ZFHX3: variants seen among roughly 807,000 people sequenced by gnomAD.
ZFHX3 encodes zinc finger homeobox 3, also known as zinc finger homeobox protein 3.
In ZFHX3, 42 loss-of-function variants were observed where a neutral mutation model predicts 279.1. The observed-to-expected ratio is 0.15, with a 90% CI of 0.12 to 0.19. ZFHX3 has a LOEUF of 0.19. ZFHX3 is among the 10% of genes least tolerant of loss of function. ZFHX3 has a pLI of 1.00. For synonymous variants in ZFHX3, 2,293 were observed against 1,957.8 expected, an observed-to-expected ratio of 1.17 and a Z score of -4.52; for missense variants, 4,981 against 4,754.0, an observed-to-expected ratio of 1.05 and a Z score of -1.40.
chr16:72,921,012 C>G (rs2039569470), intron 3 of ZFHX3, among the ~76,000 whole-genome samples: 1 of 123,744 alleles, frequency 8.1e-6, no homozygotes, highest in Admixed American at 1.1e-4. Context: ...TTCAAGGCTA[C>G]AGTGAACTGT....
intron 1 of ZFHX3, among the ~76,000 whole-genome samples, chr16:73,772,902 TC>T (rs1339725715): frequency 2.6e-5 from 4 of 152,204 alleles, no homozygotes; most frequent in Non-Finnish European, 5.9e-5. Context: ...ATGACTCATT[TC>T]CCACACTGCC....
At chr16:73,238,925 G>T (rs112435855) in intron 5 of ZFHX3, among the ~76,000 whole-genome samples, 2 of 151,772 alleles carry the variant, frequency 1.3e-5, no homozygotes, top group African/African-American at 4.8e-5. Context: ...TTTCTCCCCC[G>T]ACCGAAACCT....
chr16:73,197,572 A>G (rs1005421664), intron 5 of ZFHX3, among the ~76,000 whole-genome samples: 1 of 152,210 alleles, frequency 6.6e-6, no homozygotes, highest in Non-Finnish European at 1.5e-5. Flanking sequence ...CCACTTCCCC[A>G]TGACTTATCT....
In ZFHX3 at chr16:72,787,333, GTGC is replaced by G. The variant is rs1302574379; in HGVS notation, c.10940_10942del (p.Ser3647del). 2 of 1,613,850 alleles carry G rather than the reference GTGC, an allele frequency of 1.2e-6. No individual in the cohort carries two copies. The highest frequency in any genetic ancestry group is 2.7e-5 in the African/African-American group (2 of 74,868). ...TGGCATCGAGGGCTGAACCCCTGAG[GTGC>G]TGCATGAACTTGAGGTAACCGTTGA... On this transcript the variant is annotated inframe_deletion, in exon 10 of 10. Coordinates refer to ENST00000268489, the MANE Select transcript of ZFHX3 (RefSeq NM_006885.4).
chr16:73,816,631 G>C (rs1006045384), intron 1 of ZFHX3, among the ~76,000 whole-genome samples: 3 of 59,662 alleles, frequency 5.0e-5, no homozygotes, highest in East Asian at 3.8e-4. Flanking sequence ...AAAAGAGATG[G>C]GGGGGGAGAG....
At chr16:73,770,444 C>A (rs1256855968) in intron 1 of ZFHX3, among the ~76,000 whole-genome samples, 3 of 152,068 alleles carry the variant, frequency 2.0e-5, no homozygotes, top group Non-Finnish European at 4.4e-5. Flanking sequence ...TTGCCTTAAA[C>A]CACTATGCTT....
intron 3 of ZFHX3, 35 bp from the exon 4 acceptor site, chr16:72,889,997 T>A (rs1262062877): frequency 1.3e-6 from 2 of 1,584,312 alleles, no homozygotes; most frequent in Non-Finnish European, 1.7e-6. Context: ...ATGCCTTGGG[T>A]AAGCCACTCG....
At position 73,226,315 on chromosome 16, in the gene ZFHX3, T is replaced by C. The variant is rs748632161; in HGVS notation, c.-1104+30732A>G. On this transcript the variant is annotated intron_variant, in intron 5 of 17. Transcript: ENST00000641206. ...CAATAAGACAGCGCGGAACTCTAAG[T>C]GGATCACTCACAGAAACGGCTTCGT... is the stretch of plus-strand genomic sequence containing the variant. Among the ~76,000 whole-genome samples the C allele has an allele frequency of 2.7e-4, 41 of 152,210 alleles. 1 individual carries two copies. Among genetic ancestry groups the C allele is most frequent in the Non-Finnish European group, 4.4e-4 (30 of 68,038 alleles).
chr16:73,272,113 T>C (rs1597255070), intron 4 of ZFHX3, among the ~76,000 whole-genome samples: 1 of 152,168 alleles, frequency 6.6e-6, no homozygotes, highest in South Asian at 2.1e-4. Context: ...GAAGCAAAAA[T>C]GAGAAAAGAG....
intron 2 of ZFHX3, among the ~76,000 whole-genome samples, chr16:73,642,352 A>G (rs1214814658): frequency 6.6e-6 from 1 of 152,062 alleles, no homozygotes; most frequent in East Asian, 1.9e-4. Flanking sequence ...CTGACTTCAG[A>G]GGACCGCCTC....
chr16:73,552,208 G>C (rs1436526001), intron 2 of ZFHX3, among the ~76,000 whole-genome samples: 1 of 152,158 alleles, frequency 6.6e-6, no homozygotes, highest in Non-Finnish European at 1.5e-5. Context: ...ATACCAGAGG[G>C]AAATTACATC....
chr16:73,222,800 A>T (rs924793851), intron 5 of ZFHX3, among the ~76,000 whole-genome samples: 39 of 152,280 alleles, frequency 2.6e-4, no homozygotes, highest in African/African-American at 9.4e-4. Context: ...AAGGACAGGT[A>T]CTAGCCAACG....
intron 3 of ZFHX3, among the ~76,000 whole-genome samples, chr16:72,902,804 A>G (rs2039073527): frequency 6.6e-6 from 1 of 152,112 alleles, no homozygotes; most frequent in African/African-American, 2.4e-5. Flanking sequence ...CCTTTCATGG[A>G]CGGGCCTTAG....
intron 3 of ZFHX3, among the ~76,000 whole-genome samples, chr16:73,373,153 T>G (rs1343914759): frequency 1.6e-5 from 2 of 128,488 alleles, no homozygotes; most frequent in South Asian, 2.4e-4. Flanking sequence ...GGGGGGGGGG[T>G]GGTTCCAAAG....
rs759206019 is a variant in ZFHX3 at position 72,958,715 on chromosome 16, TTCCTCC to T, written c.1425_1430del (p.Glu486_Glu487del). ...CCTCCTCTTCTTCCTCCTCCTCTTC[TTCCTCC>T]TCCTCCTCCGCCTCTTCCTCCTCCT... On this transcript the variant is annotated inframe_deletion, in exon 2 of 10. Transcript: ENST00000268489. The T allele has an allele frequency of 8.6e-5, 139 of 1,612,042 alleles. 2 individuals are homozygous for T. The South Asian group carries it at 1.5e-3, about 17-fold the overall frequency.
chr16:73,324,768 T>G (rs2015646681), intron 3 of ZFHX3, among the ~76,000 whole-genome samples: 1 of 152,162 alleles, frequency 6.6e-6, no homozygotes, highest in South Asian at 2.1e-4. Flanking sequence ...TTATAGAACT[T>G]CTGGAGAAGA....
intron 5 of ZFHX3, among the ~76,000 whole-genome samples, chr16:72,815,851 T>C (rs1597268814): frequency 6.6e-6 from 1 of 152,342 alleles, no homozygotes; most frequent in East Asian, 1.9e-4. Context: ...CTTGAAGCGT[T>C]AGTAACTCTA....
At chr16:73,026,587 C>A (rs1256320618) in intron 1 of ZFHX3, among the ~76,000 whole-genome samples, 1 of 147,004 alleles carries the variant, frequency 6.8e-6, no homozygotes, top group Non-Finnish European at 1.5e-5. Flanking sequence ...AGGAGAACTA[C>A]TTGAACCTGG....
At chr16:73,291,593 C>T (rs1051734041) in intron 4 of ZFHX3, among the ~76,000 whole-genome samples, 3 of 152,206 alleles carry the variant, frequency 2.0e-5, no homozygotes, top group Non-Finnish European at 2.9e-5. Flanking sequence ...GAAGTGTGAA[C>T]AGCATCTGTT....
Sources: allele counts gnomAD v4.1 joint callset (sites outside exome capture counted in the v4.1 genomes callset), GRCh38; gene constraint gnomAD v4.1.1; transcripts MANE v1.5; gene names NCBI Gene and HGNC (gene_info 2026-07-23, HGNC 2026-07-21).